The following TMEM200A variants were observed in gnomAD, a reference collection of about 807,000 sequenced individuals.
TMEM200A encodes the protein transmembrane protein 200A, also known as two transmembrane C.
A neutral mutation model predicts 24.3 loss-of-function variants in TMEM200A; 12 were observed. The ratio of observed to expected loss-of-function variants is 0.49; its 90% confidence interval spans 0.32 to 0.80. TMEM200A has a LOEUF of 0.80. Ranked by LOEUF, TMEM200A falls within the 30% of genes least tolerant of loss-of-function variation. The pLI, the probability that TMEM200A is intolerant of heterozygous loss-of-function variation, is 0.04. For synonymous variants in TMEM200A, 224 were observed against 224.4 expected (o/e 1.00, Z 0.02); for missense variants, 545 against 614.4 (o/e 0.89, Z 1.19).
chr6:130,396,300 T>C (rs911616653), intron 2 of TMEM200A, among the ~76,000 whole-genome samples: 5 of 151,974 alleles, frequency 3.3e-5, no homozygotes, highest in South Asian at 4.2e-4. Context: ...TATTTTTGTT[T>C]GTTTATATTT....
intron 2 of TMEM200A, among the ~76,000 whole-genome samples, chr6:130,431,161 C>G (rs938705440): frequency 1.3e-5 from 2 of 152,160 alleles, no homozygotes; most frequent in African/African-American, 4.8e-5. Flanking sequence ...TGTCCTCCAG[C>G]TTTCCCCTTG....
chr6:130,428,421 T>C (rs1472773944), intron 2 of TMEM200A, among the ~76,000 whole-genome samples: 2 of 152,188 alleles, frequency 1.3e-5, no homozygotes, highest in African/African-American at 4.8e-5. Context: ...TTTTTCTTTA[T>C]CCTCCACCTT....
chr6:130,405,470 T>C (rs901975462), intron 2 of TMEM200A, among the ~76,000 whole-genome samples: 1 of 152,190 alleles, frequency 6.6e-6, no homozygotes, highest in Non-Finnish European at 1.5e-5. Context: ...TCTTATCACT[T>C]AAATTCGACT....
At chr6:130,401,503 C>G (rs1443223797) in intron 2 of TMEM200A, among the ~76,000 whole-genome samples, 1 of 146,978 alleles carries the variant, frequency 6.8e-6, no homozygotes, top group African/African-American at 2.5e-5. Context: ...TCCTTTCTCT[C>G]TTTCTTTTTT....
intron 1 of TMEM200A, among the ~76,000 whole-genome samples, chr6:130,380,148 C>CT (rs1227776468): frequency 6.6e-6 from 1 of 151,896 alleles, no homozygotes; most frequent in African/African-American, 2.4e-5. Context: ...TACTGAAAAT[C>CT]TTTTTTTTGA....
chr6:130,404,948 G>A (rs1362106962), intron 2 of TMEM200A, among the ~76,000 whole-genome samples: 3 of 152,056 alleles, frequency 2.0e-5, no homozygotes, highest in African/African-American at 7.2e-5. Context: ...TGTCAGGTTT[G>A]TCAAAGATCA....
upstream of TMEM200A, chr6:130,365,883 GT>G: frequency 1.0e-6 from 1 of 985,596 alleles, no homozygotes; most frequent in Non-Finnish European, 1.2e-6. Context: ...TTTCCCACAG[GT>G]TTTGGGGCGG....
chr6:130,411,121 A>T (rs1054266044), intron 2 of TMEM200A, among the ~76,000 whole-genome samples: 2 of 151,820 alleles, frequency 1.3e-5, no homozygotes, highest in African/African-American at 4.8e-5. Context: ...GTGAGCCGAG[A>T]TTGTGCCATT....
At chr6:130,393,470 G>A (rs1778882878) in intron 2 of TMEM200A, among the ~76,000 whole-genome samples, 1 of 152,192 alleles carries the variant, frequency 6.6e-6, no homozygotes, top group Admixed American at 6.5e-5. Flanking sequence ...AGAGGTGGGT[G>A]TGCAATGGGC....
At chr6:130,403,189 A>G (rs1779127016) in intron 2 of TMEM200A, among the ~76,000 whole-genome samples, 1 of 152,230 alleles carries the variant, frequency 6.6e-6, no homozygotes, top group South Asian at 2.1e-4. Flanking sequence ...GACTACATTA[A>G]TGATCACTAA....
chr6:130,382,012 G>C (rs1375275040), intron 1 of TMEM200A: 3 of 969,246 alleles, frequency 3.1e-6, no homozygotes, highest in Non-Finnish European at 3.7e-6. Context: ...AAGATATATT[G>C]TGAACCTTTT....
chr6:130,368,993 G>A (rs1417939377), intron 1 of TMEM200A, among the ~76,000 whole-genome samples: 2 of 152,220 alleles, frequency 1.3e-5, no homozygotes, highest in Non-Finnish European at 2.9e-5. Flanking sequence ...AGAGACAGAA[G>A]TCAGTGTGTG....
At chr6:130,394,770 T>C (rs1357708576) in intron 2 of TMEM200A, among the ~76,000 whole-genome samples, 3 of 152,212 alleles carry the variant, frequency 2.0e-5, no homozygotes, top group Admixed American at 2.0e-4. Context: ...CTCTCTGGAA[T>C]AGAAGGTATG....
At position 130,440,724 on chromosome 6, in the gene TMEM200A, A is replaced by G. The variant is rs773531084; in HGVS notation, c.302A>G (p.Glu101Gly). Residue 101 changes from glutamate (E) to glycine (G), a missense_variant, in exon 3 of 3, where the codon GAA becomes GGA. Glu to Gly is a moderately conservative substitution (Grantham distance 98). Coordinates refer to ENST00000296978, the MANE Select transcript of TMEM200A (RefSeq NM_001258277.2). Reference sequence around the variant, plus strand: ...GCTGAAACAACACTGTCAACAAATGAAACTCAGGTCATTCGGAATGAAGGC... The same window carrying G: ...GCTGAAACAACACTGTCAACAAATGGAACTCAGGTCATTCGGAATGAAGGC... ...IDAETTLSTN[E>G]TQVIRNEGGV... is the part of the protein sequence containing the mutation. 3.1e-6 allele frequency: 5 copies of G among 1,614,132 alleles called. No homozygotes were observed. The South Asian group carries it at 4.4e-5, about 14-fold the overall frequency.
chr6:130,380,271 T>C (rs977498050), intron 1 of TMEM200A, among the ~76,000 whole-genome samples: 1 of 152,236 alleles, frequency 6.6e-6, no homozygotes, highest in East Asian at 1.9e-4. Context: ...ATCATGCTGA[T>C]GACTAATATA....
chr6:130,415,117 G>A (rs1244629532), intron 2 of TMEM200A, among the ~76,000 whole-genome samples: 1 of 152,122 alleles, frequency 6.6e-6, no homozygotes, highest in Non-Finnish European at 1.5e-5. Flanking sequence ...ACCCTATGTG[G>A]AATGCAATTC....
chr6:130,435,433 T>G (rs145567833), intron 2 of TMEM200A, among the ~76,000 whole-genome samples: 1 of 152,196 alleles, frequency 6.6e-6, no homozygotes, highest in Non-Finnish European at 1.5e-5. Flanking sequence ...ATCAATATAG[T>G]CTCAGGCCAG....
rs753752847 is a variant in TMEM200A at position 130,441,509 on chromosome 6, A to G, written c.1087A>G (p.Met363Val). The part of the protein sequence containing the change: ...ESLSSQYKSS[M>V]ALGPGAGQLL... ...GTTGTCGAGTCAGTACAAGTCATCT[A>G]TGGCTCTCGGACCTGGGGCTGGACA... Residue 363 changes from methionine to valine, a missense_variant, in exon 3 of 3, where the codon ATG (methionine) becomes GTG (valine). Coordinates refer to ENST00000296978, the MANE Select transcript of TMEM200A (RefSeq NM_001258277.2). 3.1e-6 allele frequency: 5 copies of G among 1,613,932 alleles called. No homozygotes were observed. The highest frequency in any genetic ancestry group is 1.1e-5 in the South Asian group (1 of 91,072).
At chr6:130,424,049 A>T (rs990348306) in intron 2 of TMEM200A, among the ~76,000 whole-genome samples, 3 of 152,074 alleles carry the variant, frequency 2.0e-5, no homozygotes, top group Admixed American at 1.3e-4. Context: ...TATTTTTAAA[A>T]TTTTTTCTTT....
Sources: allele counts gnomAD v4.1 joint callset (sites outside exome capture counted in the v4.1 genomes callset), GRCh38; gene constraint gnomAD v4.1.1; transcripts MANE v1.5; gene names NCBI Gene and HGNC (gene_info 2026-07-23, HGNC 2026-07-21).